KIAA0319: variants seen among roughly 807,000 people sequenced by gnomAD.
KIAA0319 encodes KIAA0319, also known as dyslexia-associated protein KIAA0319.
In KIAA0319, 83 loss-of-function variants were observed where a neutral mutation model predicts 108.4. The ratio of observed to expected loss-of-function variants is 0.77; its 90% CI spans 0.64 to 0.92. The LOEUF is 0.92. KIAA0319 is among the 40% of genes least tolerant of loss of function. The probability of loss-of-function intolerance (pLI) is 0.00; values close to 1 mark genes in which losing one functional copy is unlikely to be tolerated. For missense variants in KIAA0319, 1,195 were observed against 1,322.4 expected, an observed-to-expected ratio of 0.90 and a Z score of 1.49; for synonymous variants, 484 against 510.4, an observed-to-expected ratio of 0.95 and a Z score of 0.70.
intron 1 of KIAA0319, among the ~76,000 whole-genome samples, chr6:24,611,424 G>A (rs571093653): frequency 1.3e-5 from 2 of 152,076 alleles, no homozygotes; most frequent in South Asian, 2.1e-4. Flanking sequence ...GCCTGAATCC[G>A]GGAGGTGGAG....
At chr6:24,583,521 C>T (rs1261544839) in intron 5 of KIAA0319, 83 bp downstream of exon 5, 5 of 885,886 alleles carry the variant, frequency 5.6e-6, no homozygotes, top group Non-Finnish European at 9.2e-6. Context: ...GAAAAAGAAT[C>T]GGCGTTGTAA....
chr6:24,579,444 C>CATAT (rs1199112016), intron 8 of KIAA0319, among the ~76,000 whole-genome samples: 138 of 118,498 alleles, frequency 1.2e-3, no homozygotes, highest in Middle Eastern at 4.3e-3. Flanking sequence ...TTATATATCT[C>CATAT]ATATATATCT....
rs2760179 is a variant in KIAA0319, at chr6:24,550,765, C to T, written c.3040+669G>A. On this transcript the variant is annotated intron_variant, in intron 20 of 20. Transcript: ENST00000378214. Reference sequence around the variant, plus strand: ...TTCAACTGCCCCCACCCTCCACCCGCGAGTAGAAAAAAAAGCAGGTGCTGG... The same window carrying T: ...TTCAACTGCCCCCACCCTCCACCCGTGAGTAGAAAAAAAAGCAGGTGCTGG... Among the ~76,000 whole-genome samples, 860 of 151,798 alleles carry T rather than the reference C, an allele frequency of 5.7e-3. 36 individuals are homozygous for T. Among genetic ancestry groups the T allele is most frequent in the Admixed American group, 0.052 (788 of 15,252 alleles).
chr6:24,601,237 G>A (rs1770581711), intron 1 of KIAA0319, 29 bp from the exon 2 acceptor site: 4 of 1,516,932 alleles, frequency 2.6e-6, no homozygotes, highest in Non-Finnish European at 2.6e-6. Flanking sequence ...AAAGAGGAAG[G>A]AAGAAAAGAA....
intron 1 of KIAA0319, among the ~76,000 whole-genome samples, chr6:24,608,372 G>T (rs1197693018): frequency 6.6e-6 from 1 of 151,950 alleles, no homozygotes; most frequent in Non-Finnish European, 1.5e-5. Context: ...AATTAAAATG[G>T]TGCTGGCAGA....
At chr6:24,577,244 A>G (rs555592735) in intron 9 of KIAA0319, among the ~76,000 whole-genome samples, 1 of 152,326 alleles carries the variant, frequency 6.6e-6, no homozygotes, top group South Asian at 2.1e-4. Context: ...GAGACTAAAA[A>G]TGGATCAGGT....
At chr6:24,554,663 T>G (rs1251409666) in intron 18 of KIAA0319, 32 bp from the exon 19 acceptor site, 8 of 1,428,556 alleles carry the variant, frequency 5.6e-6, no homozygotes, top group Non-Finnish European at 6.9e-6. Context: ...GTGGACATAG[T>G]TACAGGCTAT....
intron 8 of KIAA0319, among the ~76,000 whole-genome samples, 180 bp from the exon 9 acceptor site, chr6:24,578,422 A>G (rs1486343736): frequency 6.6e-6 from 1 of 152,140 alleles, no homozygotes; most frequent in Non-Finnish European, 1.5e-5. Flanking sequence ...TTATATCACT[A>G]TTTTTCTCCT....
Position 24,546,213 on chromosome 6 carries a change from C to T in KIAA0319, c.*952G>A, listed in dbSNP as rs374156261. 3 of 152,204 alleles carry T rather than the reference C, an allele frequency of 2.0e-5. No individual in the cohort carries two copies. Among genetic ancestry groups the T allele is most frequent in the Middle Eastern group, 3.4e-3 (1 of 294 alleles). The allele number at this position is 152,204 out of a possible 1,614,324, so 9.4% of individuals were successfully genotyped here. A position where few individuals can be genotyped will look rare whatever the true frequency, so the allele number is the denominator to read the frequency against. ...GTCGGGGACCAGAGTATCATAACCA[C>T]GCCATCCAAGTTAAGACTGACTGTA... On this transcript the variant is annotated 3_prime_UTR_variant, in exon 21 of 21. Coordinates refer to ENST00000378214, the MANE Select transcript of KIAA0319 (RefSeq NM_014809.4).
chr6:24,621,072 C>T (rs1257871467), intron 1 of KIAA0319, among the ~76,000 whole-genome samples: 1 of 152,208 alleles, frequency 6.6e-6, no homozygotes, highest in African/African-American at 2.4e-5. Flanking sequence ...CCTGCTCATC[C>T]TCCCATCATC....
intron 1 of KIAA0319, among the ~76,000 whole-genome samples, chr6:24,618,189 GAGAAA>G: frequency 6.6e-6 from 1 of 152,090 alleles, no homozygotes; most frequent in Admixed American, 6.5e-5. Flanking sequence ...ACCCCAGGGG[GAGAAA>G]TTAACTTAAA....
chr6:24,599,485 T>G lies in KIAA0319; in HGVS notation c.55+1564A>C, dbSNP rs918664113. The G allele has an allele frequency of 1.1e-5, 6 of 562,104 alleles. No individual in the cohort carries two copies. In the African/African-American group the frequency reaches 1.1e-4, roughly 11 times the overall value. 34.8% of individuals were successfully genotyped at this position (562,104 alleles called of 1,614,324 possible). A position where few individuals can be genotyped will look rare whatever the true frequency, so the allele number is the denominator to read the frequency against. On this transcript the variant is annotated intron_variant, in intron 2 of 20. Coordinates refer to ENST00000378214, the MANE Select transcript of KIAA0319 (RefSeq NM_014809.4). The surrounding 1 kb of genome is among the most constrained non-coding windows in gnomAD (Gnocchi z 4.1). ...CAGCTGCATGAGTACCAGGAGCTGA[T>G]GATCATCAAGCCAACCCTGGACATC...
intron 3 of KIAA0319, among the ~76,000 whole-genome samples, chr6:24,592,195 A>AT (rs1023678095): frequency 2.0e-5 from 3 of 152,120 alleles, no homozygotes; most frequent in African/African-American, 7.2e-5. Flanking sequence ...TTTTGAGTTA[A>AT]TTTTTTTAAA....
At chr6:24,542,387 A>T (rs913710419), downstream of KIAA0319, among the ~76,000 whole-genome samples, 5 of 152,196 alleles carry the variant, frequency 3.3e-5, no homozygotes, top group Non-Finnish European at 4.4e-5. Context: ...TGAAAGAGCC[A>T]ATCCTTTAAG....
intron 19 of KIAA0319, among the ~76,000 whole-genome samples, chr6:24,553,278 T>TAG (rs1761784662): frequency 1.4e-5 from 1 of 72,514 alleles, no homozygotes. Context: ...GAGATAGATA[T>TAG]ATATATATAT....
In KIAA0319 at chr6:24,599,055, C is replaced by T; in HGVS notation, c.55+1994G>A. The T allele has an allele frequency of 1.3e-6, 1 of 744,214 alleles. No individual in the cohort carries two copies. The highest frequency in any genetic ancestry group is 1.5e-5 in the South Asian group (1 of 68,770). The allele number at this position is 744,214 out of a possible 1,614,324, so 46.1% of individuals were successfully genotyped here. A position where few individuals can be genotyped will look rare whatever the true frequency, so the allele number is the denominator to read the frequency against. On this transcript the variant is annotated intron_variant, in intron 2 of 20. Transcript: ENST00000378214. The surrounding 1 kb of genome is among the most constrained non-coding windows in gnomAD (Gnocchi z 4.1). The stretch of plus-strand genomic sequence containing the variant: ...GCTGTATGAAGAGGAGATCCAGGAG[C>T]TGCAGTCCCAGATCTGGGACACATC...
intron 1 of KIAA0319, among the ~76,000 whole-genome samples, chr6:24,621,885 C>T (rs1243254730): frequency 6.6e-6 from 1 of 152,146 alleles, no homozygotes; most frequent in African/African-American, 2.4e-5. Context: ...ACAGAACCGG[C>T]CAAGGCACAA....
intron 1 of KIAA0319, among the ~76,000 whole-genome samples, chr6:24,633,613 T>C (rs929881239): frequency 6.6e-6 from 1 of 151,800 alleles, no homozygotes; most frequent in East Asian, 1.9e-4. Flanking sequence ...AAAAAAAAAT[T>C]AGAAGAATGA....
intron 13 of KIAA0319, 30 bp downstream of exon 13, chr6:24,568,751 C>T (rs759529111): frequency 1.9e-6 from 3 of 1,607,254 alleles, no homozygotes; most frequent in Non-Finnish European, 2.6e-6. Flanking sequence ...GCAGAGCAGG[C>T]CCAGCCCTGT....
Sources: gnomAD v4.1 joint callset for allele counts (sites outside exome capture counted in the v4.1 genomes callset) on GRCh38, gnomAD v4.1.1 for gene constraint, Gnocchi (gnomAD v3.1) non-coding constraint, MANE v1.5 for transcripts, NCBI Gene and HGNC (gene_info 2026-07-23, HGNC 2026-07-21) for gene names.